Variants in LTF observed in about 807,000 individuals in gnomAD.
The protein encoded by LTF is lactotransferrin, also known as epididymis luminal protein 110.
A neutral mutation model predicts 87.2 loss-of-function variants in LTF; 91 were observed. The observed-to-expected ratio is 1.04, with a 90% confidence interval of 0.88 to 1.24. LTF has a LOEUF of 1.24. LTF is among the 50% of genes most tolerant of loss of function. The pLI, the probability that LTF is intolerant of heterozygous loss-of-function variation, is 0.00. For missense variants in LTF, 901 were observed against 904.3 expected (o/e 1.00, Z 0.05); for synonymous variants, 378 against 356.1 (o/e 1.06, Z -0.69).
At chr3:46,437,515 G>A (rs34621182) in intron 16 of LTF, among the ~76,000 whole-genome samples, 24,803 of 151,686 alleles carry the variant, frequency 0.16, 2,249 homozygotes, top group South Asian at 0.31. Flanking sequence ...GTAGAACAAG[G>A]TCTCTCTGTG....
At chr3:46,444,603 T>G (rs1436501468) in intron 12 of LTF, among the ~76,000 whole-genome samples, 1 of 152,190 alleles carries the variant, frequency 6.6e-6, no homozygotes, top group African/African-American at 2.4e-5. Flanking sequence ...GCCATGGAGC[T>G]GGTGAGGAGC....
At chr3:46,459,033 C>T (rs1703012273) in intron 2 of LTF, among the ~76,000 whole-genome samples, 1 of 152,202 alleles carries the variant, frequency 6.6e-6, no homozygotes, top group Non-Finnish European at 1.5e-5. Context: ...ATTCACTCTG[C>T]TGGAGTTGAG....
At chr3:46,466,127 C>A (rs558087416), upstream of LTF, among the ~76,000 whole-genome samples, 2 of 152,154 alleles carry the variant, frequency 1.3e-5, no homozygotes, top group Admixed American at 6.5e-5. Context: ...ATGGTCCCAG[C>A]TACTTGGGAG....
chr3:46,465,207 T>C (rs1009184599), upstream of LTF: 2 of 392,424 alleles, frequency 5.1e-6, no homozygotes, highest in Non-Finnish European at 9.3e-6. Context: ...CAGTGCCTTC[T>C]AGAGGGCAGG....
At chr3:46,467,065 G>C (rs61243940), upstream of LTF, among the ~76,000 whole-genome samples, 7 of 152,262 alleles carry the variant, frequency 4.6e-5, no homozygotes, top group African/African-American at 1.4e-4. Flanking sequence ...TTTTCCTGCT[G>C]TGCCTGTTGG....
intron 1 of LTF, among the ~76,000 whole-genome samples, chr3:46,482,779 AAAAGAAAGAAAGAAAGAAGGAAGG>A (rs1235811634): frequency 5.8e-5 from 8 of 137,150 alleles, no homozygotes; most frequent in South Asian, 5.3e-4. Flanking sequence ...GAAAGAAAGA[AAAAGAAAGAAAGAAAGAAGGAAGG>A]AAAGAAAGAA....
intron 6 of LTF, among the ~76,000 whole-genome samples, chr3:46,452,603 GCT>G (rs759964378): frequency 6.6e-6 from 1 of 152,096 alleles, no homozygotes; most frequent in Non-Finnish European, 1.5e-5. Context: ...CCTCTCACTG[GCT>G]CTCTCTCTTT....
At position 46,438,099 on chromosome 3, in the gene LTF, G is replaced by C; in HGVS notation, c.1939C>G (p.Pro647Ala). ...AKFGRNGSDC[P>A]DKFCLFQSET... Reference sequence around the variant, plus strand: ...GACTGGAATAAGCAAAACTTGTCCGGGCAGTCAGATCCATTTCTCCCAAAT... The same window carrying C: ...GACTGGAATAAGCAAAACTTGTCCGCGCAGTCAGATCCATTTCTCCCAAAT... The change falls in exon 16 of 17, where the codon CCG becomes GCG. Residue 647 changes from proline to alanine, a missense_variant. Physicochemically the swap from Pro to Ala is conservative, Grantham distance 27 (BLOSUM62 -1). Coordinates refer to ENST00000231751, the MANE Select transcript of LTF (RefSeq NM_002343.6). The C allele has an allele frequency of 1.9e-6, 3 of 1,613,750 alleles. No individual in the cohort carries two copies. The highest frequency in any genetic ancestry group is 2.5e-6 in the Non-Finnish European group (3 of 1,179,888).
chr3:46,437,226 A>T (rs1423985667), intron 16 of LTF, among the ~76,000 whole-genome samples: 1 of 150,564 alleles, frequency 6.6e-6, no homozygotes, highest in African/African-American at 2.5e-5. Flanking sequence ...ATATCAACAT[A>T]TTTCCCTGGT....
chr3:46,446,829 T>TA (rs1449877023), intron 10 of LTF, among the ~76,000 whole-genome samples: 2 of 152,110 alleles, frequency 1.3e-5, no homozygotes, highest in African/African-American at 2.4e-5. Context: ...AAACCAGACA[T>TA]AAAAAAACAC....
At chr3:46,468,219 C>T (rs1267068797), upstream of LTF, 1 of 456,634 alleles carries the variant, frequency 2.2e-6, no homozygotes, top group Non-Finnish European at 4.4e-6. Flanking sequence ...CCAGGCCATG[C>T]CAAAGCCTGT....
At position 46,438,091 on chromosome 3, in the gene LTF, C is replaced by T. The variant is rs1203866205; in HGVS notation, c.1947G>A (p.Lys649=). The T allele has an allele frequency of 1.9e-5, 31 of 1,614,024 alleles. No individual in the cohort carries two copies. The highest frequency in any genetic ancestry group is 2.4e-5 in the Non-Finnish European group (28 of 1,179,974). ...TGGTTTCAGACTGGAATAAGCAAAACTTGTCCGGGCAGTCAGATCCATTTC... is the reference window on the plus strand; with the variant it reads ...TGGTTTCAGACTGGAATAAGCAAAATTTGTCCGGGCAGTCAGATCCATTTC... The part of the protein sequence containing the change: ...FGRNGSDCPD[K]FCLFQSETKN... Residue 649 remains lysine, a synonymous_variant, in exon 16 of 17, where the codon AAG becomes AAA. Coordinates refer to ENST00000231751, the MANE Select transcript of LTF (RefSeq NM_002343.6).
At chr3:46,479,339 G>A (rs573320375) in intron 1 of LTF, among the ~76,000 whole-genome samples, 6 of 152,288 alleles carry the variant, frequency 3.9e-5, no homozygotes, top group East Asian at 1.9e-4. Flanking sequence ...TACAGGGCCC[G>A]GGAATTGTGG....
In LTF at chr3:46,439,373, C is replaced by T. The variant is rs527408494; in HGVS notation, c.1831G>A (p.Ala611Thr). 1.2e-5 allele frequency: 19 copies of T among 1,614,240 alleles called. No homozygotes were observed. Among genetic ancestry groups the T allele is most frequent in the Admixed American group, 1.7e-5 (1 of 60,028 alleles). Residue 611 changes from alanine (A) to threonine (T), a missense_variant, in exon 15 of 17, where the codon GCC (alanine) becomes ACC (threonine). Transcript: ENST00000231751. ...ACCACGGCATGATTCGGGGCCATGG[C>T]AAGATGGCAGCTTCTAGCCTCAGTC... ...PVTEARSCHL[A>T]MAPNHAVVSR... is the part of the protein sequence containing the mutation.
In LTF at chr3:46,451,035, C is replaced by T. The variant is rs6762799; in HGVS notation, c.704-362G>A. Among the ~76,000 whole-genome samples, 602 of 152,256 alleles carry T rather than the reference C, an allele frequency of 4.0e-3. 5 individuals are homozygous for T. Among genetic ancestry groups the T allele is most frequent in the African/African-American group, 0.014 (581 of 41,538 alleles). On this transcript the variant is annotated intron_variant, in intron 6 of 16. Coordinates refer to ENST00000231751, the MANE Select transcript of LTF (RefSeq NM_002343.6). ...CTCAGGGGGCCACCAAGGGTTGCTC[C>T]CTTACTCACATCTCTGGGAAGAATA...
At chr3:46,446,191 A>AC (rs1702649795) in intron 11 of LTF, among the ~76,000 whole-genome samples, 2 of 151,836 alleles carry the variant, frequency 1.3e-5, no homozygotes, top group African/African-American at 2.4e-5. Context: ...GGGAAGTAGC[A>AC]CCCCCCATTC....
At chr3:46,483,753 G>C (rs1030161272) in intron 1 of LTF, among the ~76,000 whole-genome samples, 2 of 152,236 alleles carry the variant, frequency 1.3e-5, no homozygotes, top group Admixed American at 6.5e-5. Context: ...AATATTAATT[G>C]TGCATGTTTC....
chr3:46,474,503 A>G lies in LTF; in HGVS notation c.-319-4037T>C, dbSNP rs57300919. The stretch of plus-strand genomic sequence containing the variant: ...AGAAAGAGAAATAGACTCCACAATT[A>G]TAGTTGAAGACTTCAAACCCCTCTA... On this transcript the variant is annotated intron_variant, in intron 1 of 19. Coordinates refer to the LTF transcript ENST00000443496. Among the ~76,000 whole-genome samples the G allele has an allele frequency of 5.9e-5, 9 of 152,356 alleles. No individual in the cohort carries two copies. In the South Asian group the frequency reaches 1.7e-3, roughly 28 times the overall value.
chr3:46,443,640 T>C, intron 12 of LTF, 58 bp from the exon 13 acceptor site: 2 of 1,580,436 alleles, frequency 1.3e-6, no homozygotes, highest in Non-Finnish European at 1.7e-6. Context: ...ACAAGCAACC[T>C]TTACCTAACA....
Sources: gnomAD v4.1 joint callset for allele counts (sites outside exome capture counted in the v4.1 genomes callset) on GRCh38, gnomAD v4.1.1 for gene constraint, MANE v1.5 for transcripts, NCBI Gene and HGNC (gene_info 2026-07-23, HGNC 2026-07-21) for gene names.